CCDC180: variants seen among roughly 807,000 people sequenced by gnomAD.
The protein encoded by CCDC180 is coiled-coil domain-containing protein 180.
A neutral mutation model predicts 209.2 loss-of-function variants in CCDC180; 154 were observed. The observed-to-expected ratio is 0.74, with a 90% CI of 0.65 to 0.84. The LOEUF (loss-of-function observed/expected upper bound fraction) is 0.84. Ranked by LOEUF, CCDC180 falls within the 40% of genes least tolerant of loss-of-function variation. The pLI is 0.00. For missense variants in CCDC180, 1,874 were observed against 1,997.3 expected (o/e 0.94, Z 1.18); for synonymous variants, 778 against 749.1 (o/e 1.04, Z -0.63).
intron 18 of CCDC180, among the ~76,000 whole-genome samples, chr9:97,342,141 G>A (rs540741294): frequency 6.0e-4 from 91 of 152,326 alleles, no homozygotes; most frequent in African/African-American, 1.9e-3. Context: ...CGGGTGAGGC[G>A]ATGCCCCGCC....
At chr9:97,327,258 C>T (rs1439491859) in intron 15 of CCDC180, among the ~76,000 whole-genome samples, 1 of 152,152 alleles carries the variant, frequency 6.6e-6, no homozygotes, top group African/African-American at 2.4e-5. Context: ...TTTTTTCCCT[C>T]ATTCCTGCCC....
At chr9:97,310,532 C>T (rs545155389) in intron 3 of CCDC180, among the ~76,000 whole-genome samples, 5 of 152,258 alleles carry the variant, frequency 3.3e-5, no homozygotes, top group Admixed American at 2.6e-4. Context: ...AAGGAAGAAA[C>T]AGATCTTCCC....
chr9:97,350,545 A>G lies in CCDC180; in HGVS notation c.2992A>G (p.Lys998Glu). 2 of 1,536,452 alleles carry G rather than the reference A, an allele frequency of 1.3e-6. No individual in the cohort carries two copies. The highest frequency in any genetic ancestry group is 1.7e-6 in the Non-Finnish European group (2 of 1,147,004). Residue 998 changes from lysine to glutamate, a missense_variant, in exon 22 of 37, where the codon AAA becomes GAA. Coordinates refer to ENST00000529487, the MANE Select transcript of CCDC180 (RefSeq NM_020893.6). Reference sequence around the variant, plus strand: ...CCGCTACTCAAATATTGAGTTCATCAAACACTGCAGGTGGGAGCCAGTGTC... The same window carrying G: ...CCGCTACTCAAATATTGAGTTCATCGAACACTGCAGGTGGGAGCCAGTGTC... ...KLRYSNIEFI[K>E]HCRLFSEGGN... is the part of the protein sequence containing the mutation.
At chr9:97,334,890 T>C (rs1825855106) in intron 18 of CCDC180, among the ~76,000 whole-genome samples, 1 of 152,174 alleles carries the variant, frequency 6.6e-6, no homozygotes, top group African/African-American at 2.4e-5. Flanking sequence ...CAGCTTACTT[T>C]GAATGGTTAT....
chr9:97,330,087 AAAG>A, intron 16 of CCDC180, 64 bp from the exon 17 acceptor site: 1 of 1,198,472 alleles, frequency 8.3e-7, no homozygotes, highest in Non-Finnish European at 1.2e-6. Context: ...AAAAAAAAAA[AAAG>A]GTGGGGGGCA....
intron 19 of CCDC180, chr9:97,345,896 C>A (rs1303054418): frequency 6.5e-6 from 1 of 152,890 alleles, no homozygotes; most frequent in Non-Finnish European, 1.5e-5. Context: ...CTAATAAGGT[C>A]CAATTCATCA....
intron 10 of CCDC180, 44 bp from the exon 11 acceptor site, chr9:97,320,082 C>T (rs765595696): frequency 1.1e-5 from 16 of 1,501,296 alleles, no homozygotes; most frequent in South Asian, 3.4e-5. Context: ...GGTGAGTAAA[C>T]GGTTTGTTCC....
intron 22 of CCDC180, 52 bp downstream of exon 22, chr9:97,350,607 G>A: frequency 6.6e-7 from 1 of 1,513,144 alleles, no homozygotes; most frequent in South Asian, 1.2e-5. Flanking sequence ...TCTCTATTGG[G>A]ATGTGGTCTT....
intron 15 of CCDC180, 129 bp from the exon 16 acceptor site, chr9:97,327,891 C>G: frequency 1.0e-6 from 1 of 962,202 alleles, no homozygotes; most frequent in Non-Finnish European, 1.5e-6. Flanking sequence ...TAGCCAAGGA[C>G]TGCTGCTATA....
chr9:97,325,298 TG>T, intron 14 of CCDC180, 106 bp downstream of exon 14: 1 of 1,220,390 alleles, frequency 8.2e-7, no homozygotes. Flanking sequence ...TTTGTGCAGA[TG>T]GGGACATTGA....
At position 97,364,032 on chromosome 9, in the gene CCDC180, A is replaced by C. The variant is rs778605486; in HGVS notation, c.3903-19A>C. On this transcript the variant is annotated intron_variant, in intron 28 of 36. Coordinates refer to ENST00000529487, the MANE Select transcript of CCDC180 (RefSeq NM_020893.6). ...TCTGTCCACAGCCTCCAGACCACCC[A>C]CCCACCTTTGTCCCACAGCTTCACA... 2.5e-6 allele frequency: 4 copies of C among 1,613,034 alleles called. No homozygotes were observed.
At chr9:97,307,865 ACC>A in intron 1 of CCDC180, 59 bp downstream of exon 1, 1 of 1,606,506 alleles carries the variant, frequency 6.2e-7, no homozygotes, top group South Asian at 1.1e-5. Flanking sequence ...CCAGCCGCCT[ACC>A]CCCCAGCAGA....
At chr9:97,326,750 C>T (rs73654702) in intron 15 of CCDC180, 81 bp downstream of exon 15, 1 of 859,108 alleles carries the variant, frequency 1.2e-6, no homozygotes, top group Non-Finnish European at 2.0e-6. Flanking sequence ...GCCCAAGAGC[C>T]CAGGAGCCTG....
intron 22 of CCDC180, among the ~76,000 whole-genome samples, chr9:97,353,165 T>G (rs1340396085): frequency 6.6e-6 from 1 of 151,998 alleles, no homozygotes; most frequent in Admixed American, 6.6e-5. Context: ...CCCAGCTAAT[T>G]TTTGTATTTT....
At chr9:97,334,813 G>A (rs6478095) in intron 18 of CCDC180, among the ~76,000 whole-genome samples, 83,208 of 151,894 alleles carry the variant, frequency 0.55, 24,226 homozygotes, top group African/African-American at 0.73. Context: ...ATCTTTAACA[G>A]TGCCACCAAG....
rs145479735 is a variant in CCDC180, at chr9:97,336,770, C to T, written c.2274+6003C>T. On this transcript the variant is annotated intron_variant, in intron 18 of 36. Transcript: ENST00000529487. Reference sequence around the variant, plus strand: ...AACTTGGGCAGTATGGCCATTTTCACGATATTGATTCTTCCTATCCATGAG... The same window carrying T: ...AACTTGGGCAGTATGGCCATTTTCATGATATTGATTCTTCCTATCCATGAG... Among the ~76,000 whole-genome samples, 36 of 152,232 alleles carry T rather than the reference C, an allele frequency of 2.4e-4. No individual in the cohort carries two copies. The East Asian group carries it at 5.6e-3, about 24-fold the overall frequency.
intron 24 of CCDC180, among the ~76,000 whole-genome samples, chr9:97,357,401 C>T (rs551949802): frequency 6.6e-6 from 1 of 152,300 alleles, no homozygotes; most frequent in South Asian, 2.1e-4. Flanking sequence ...GTCCTCCCAA[C>T]TCCCTCACCA....
intron 18 of CCDC180, among the ~76,000 whole-genome samples, chr9:97,342,419 A>G (rs115587296): frequency 0.01 from 1,551 of 151,526 alleles, 26 homozygotes; most frequent in African/African-American, 0.035. Context: ...TCCCAATCCT[A>G]TTCAACCATC....
chr9:97,319,664 C>CT (rs1419865591), intron 10 of CCDC180, among the ~76,000 whole-genome samples: 2 of 152,098 alleles, frequency 1.3e-5, no homozygotes, highest in Admixed American at 6.5e-5. Context: ...TGATCTCATT[C>CT]TTTTTTTATG....
Sources: gnomAD v4.1 joint callset for allele counts (sites outside exome capture counted in the v4.1 genomes callset) on GRCh38, gnomAD v4.1.1 for gene constraint, MANE v1.5 for transcripts, NCBI Gene and HGNC (gene_info 2026-07-23, HGNC 2026-07-21) for gene names.